HS3ST5: variants seen among roughly 807,000 people sequenced by gnomAD.
The protein encoded by HS3ST5 is heparan sulfate-glucosamine 3-sulfotransferase 5.
HS3ST5 carries 10 observed loss-of-function variants against 25.4 expected under a neutral mutation model. The ratio of observed to expected loss-of-function variants is 0.39; its 90% CI spans 0.24 to 0.67. HS3ST5 has a LOEUF of 0.67. Among genes scored for constraint, HS3ST5 ranks in the 30% least tolerant of loss-of-function variants. The pLI, the probability that HS3ST5 is intolerant of heterozygous loss-of-function variation, is 0.44. For synonymous variants in HS3ST5, 170 were observed against 162.4 expected, an observed-to-expected ratio of 1.05 and a Z score of -0.36; for missense variants, 324 against 420.7, an observed-to-expected ratio of 0.77 and a Z score of 2.01.
chr6:114,313,425 G>A (rs2114852695), intron 1 of HS3ST5, among the ~76,000 whole-genome samples: 1 of 152,310 alleles, frequency 6.6e-6, no homozygotes, highest in South Asian at 2.1e-4. Flanking sequence ...GCCCTAAACT[G>A]TAATCAACCC....
At chr6:114,243,258 G>A (rs896762163) in intron 1 of HS3ST5, among the ~76,000 whole-genome samples, 40 of 152,328 alleles carry the variant, frequency 2.6e-4, no homozygotes, top group Non-Finnish European at 4.0e-4. Flanking sequence ...CGGAGATTTT[G>A]TGTTTATTAT....
At chr6:114,276,988 G>A (rs1274910133) in intron 1 of HS3ST5, among the ~76,000 whole-genome samples, 1 of 151,922 alleles carries the variant, frequency 6.6e-6, no homozygotes, top group Non-Finnish European at 1.5e-5. Context: ...GAAGGGAGTG[G>A]TGCATTTGGC....
intron 1 of HS3ST5, among the ~76,000 whole-genome samples, chr6:114,248,892 T>C (rs1033004963): frequency 1.3e-5 from 2 of 152,232 alleles, no homozygotes; most frequent in African/African-American, 4.8e-5. Flanking sequence ...TTGCCTATAG[T>C]ATCATATTAT....
chr6:114,327,262 C>T (rs1776210662), intron 1 of HS3ST5, among the ~76,000 whole-genome samples: 1 of 152,118 alleles, frequency 6.6e-6, no homozygotes, highest in Admixed American at 6.5e-5. Flanking sequence ...TTGGCCATAT[C>T]CTTTGTGGAT....
chr6:114,242,745 C>T (rs1006391618), intron 1 of HS3ST5, among the ~76,000 whole-genome samples: 5 of 151,052 alleles, frequency 3.3e-5, no homozygotes, highest in East Asian at 2.0e-4. Context: ...CCCAGCTACT[C>T]GGGAGGCTGA....
chr6:114,192,953 G>GT (rs947653698), intron 2 of HS3ST5, among the ~76,000 whole-genome samples: 6 of 152,108 alleles, frequency 3.9e-5, no homozygotes, highest in East Asian at 1.9e-4. Flanking sequence ...TAATCTAAGT[G>GT]TTTTTTTCAT....
chr6:114,122,853 T>C (rs1776859488), intron 3 of HS3ST5, among the ~76,000 whole-genome samples: 6 of 152,240 alleles, frequency 3.9e-5, no homozygotes, highest in Admixed American at 3.9e-4. Flanking sequence ...GAACTTCCAA[T>C]CTGCAGTGAT....
intron 3 of HS3ST5, among the ~76,000 whole-genome samples, chr6:114,149,379 C>A (rs1428206460): frequency 6.6e-6 from 1 of 152,154 alleles, no homozygotes; most frequent in East Asian, 1.9e-4. Context: ...GGCAAATGTA[C>A]ACCATGGAAT....
Position 114,287,577 on chromosome 6 carries a change from T to A in HS3ST5, c.-339+54618A>T, listed in dbSNP as rs185967660. 3.4e-4 allele frequency among the ~76,000 whole-genome samples: 51 copies of A among 152,218 alleles called. No homozygotes were observed. In the East Asian group the frequency reaches 8.5e-3, roughly 25 times the overall value. ...TATTACAAATATCTTCTGACATTGT[T>A]AAATAATCTCTTATCACAGAAGGTG... On this transcript the variant is annotated intron_variant, in intron 1 of 4. Coordinates refer to ENST00000312719, the MANE Select transcript of HS3ST5 (RefSeq NM_153612.4).
intron 4 of HS3ST5, among the ~76,000 whole-genome samples, chr6:114,058,453 T>C (rs897186284): frequency 3.3e-5 from 5 of 152,228 alleles, no homozygotes; most frequent in Admixed American, 3.3e-4. Flanking sequence ...CGTGTACTTC[T>C]GTTTGCAGTA....
At chr6:114,127,762 A>G (rs958376255) in intron 3 of HS3ST5, among the ~76,000 whole-genome samples, 1 of 152,078 alleles carries the variant, frequency 6.6e-6, no homozygotes, top group African/African-American at 2.4e-5. Context: ...AAAAAGAAGG[A>G]AATTCTGACA....
chr6:114,131,874 T>G (rs572666562), intron 3 of HS3ST5, among the ~76,000 whole-genome samples: 37 of 152,332 alleles, frequency 2.4e-4, no homozygotes, highest in Non-Finnish European at 5.1e-4. Context: ...TATTCCAATG[T>G]GCCCTTTCAC....
rs192323748 is a variant in HS3ST5, at chr6:114,225,774, C to T, written c.-145+2811G>A. 3.3e-5 allele frequency among the ~76,000 whole-genome samples: 5 copies of T among 151,974 alleles called. No homozygotes were observed. In the East Asian group the frequency reaches 9.7e-4, roughly 29 times the overall value. On this transcript the variant is annotated intron_variant, in intron 2 of 4. Transcript: ENST00000312719. ...GGGAACTTTCAGTGGGTTTGCTGTT[C>T]ATCTACATAAACTGTCACTTTTATT...
intron 3 of HS3ST5, among the ~76,000 whole-genome samples, chr6:114,075,134 T>C (rs934516302): frequency 6.6e-6 from 1 of 152,248 alleles, no homozygotes; most frequent in African/African-American, 2.4e-5. Flanking sequence ...CTCATTACTT[T>C]TGTAGTTTTC....
chr6:114,083,598 T>C (rs1774590892), intron 3 of HS3ST5, among the ~76,000 whole-genome samples: 1 of 152,328 alleles, frequency 6.6e-6, no homozygotes, highest in Middle Eastern at 3.4e-3. Flanking sequence ...CAATCTCTCT[T>C]TTCACTTTTT....
intron 1 of HS3ST5, among the ~76,000 whole-genome samples, chr6:114,252,651 A>G (rs1562253412): frequency 6.6e-6 from 1 of 151,848 alleles, no homozygotes; most frequent in African/African-American, 2.4e-5. Context: ...AAAAAAAAAA[A>G]GTCATCTACC....
In HS3ST5 at chr6:114,262,386, A is replaced by G. The variant is rs534266826; in HGVS notation, c.-338-33608T>C. ...CATGGTGAAATCCCATCTCTACTAAAAATACAAAAAATTAGCCAGGCGTGG... is the reference window on the plus strand; with the variant it reads ...CATGGTGAAATCCCATCTCTACTAAGAATACAAAAAATTAGCCAGGCGTGG... On this transcript the variant is annotated intron_variant, in intron 1 of 4. Coordinates refer to ENST00000312719, the MANE Select transcript of HS3ST5 (RefSeq NM_153612.4). Among the ~76,000 whole-genome samples the G allele has an allele frequency of 2.0e-5, 3 of 152,202 alleles. No individual in the cohort carries two copies. In the East Asian group the frequency reaches 5.8e-4, roughly 29 times the overall value.
At chr6:114,314,787 G>A (rs1000410592) in intron 1 of HS3ST5, among the ~76,000 whole-genome samples, 1 of 152,110 alleles carries the variant, frequency 6.6e-6, no homozygotes, top group African/African-American at 2.4e-5. Context: ...TAAACAGTAG[G>A]TACACATGAA....
At chr6:114,324,125 A>G (rs1776080299) in intron 1 of HS3ST5, among the ~76,000 whole-genome samples, 2 of 152,198 alleles carry the variant, frequency 1.3e-5, no homozygotes, top group South Asian at 4.1e-4. Flanking sequence ...TTATTTTTGC[A>G]CATATAATGT....
Sources: gnomAD v4.1 joint callset for allele counts (sites outside exome capture counted in the v4.1 genomes callset) on GRCh38, gnomAD v4.1.1 for gene constraint, MANE v1.5 for transcripts, NCBI Gene and HGNC (gene_info 2026-07-23, HGNC 2026-07-21) for gene names.